FKBP7: variants seen among roughly 807,000 people sequenced by gnomAD.
FKBP7 encodes peptidyl-prolyl cis-trans isomerase FKBP7.
Under a neutral mutation model 24.3 loss-of-function variants are expected in FKBP7, and 24 were observed. The observed-to-expected ratio is 0.99, with a 90% CI of 0.72 to 1.39. The LOEUF (loss-of-function observed/expected upper bound fraction) is 1.39, where lower values mean the gene tolerates loss of function less well. FKBP7 is among the 40% of genes most tolerant of loss of function. The pLI, the probability that FKBP7 is intolerant of heterozygous loss-of-function variation, is 0.00. For missense variants in FKBP7, 257 were observed against 269.5 expected, an observed-to-expected ratio of 0.95 and a Z score of 0.33; for synonymous variants, 98 against 92.8, an observed-to-expected ratio of 1.06 and a Z score of -0.32.
In FKBP7 at chr2:178,477,216, A is replaced by G. The variant is rs771966423; in HGVS notation, c.222-3T>C. On this transcript the variant is annotated splice_region_variant and splice_polypyrimidine_tract_variant and intron_variant, in intron 1 of 3. Coordinates refer to ENST00000424785, the MANE Select transcript of FKBP7 (RefSeq NM_181342.3). ...GGTGGCCTTCATTTTGTGTCCGGCTATAACAAAAAGCAATACTTAAGTAAA... is the reference window on the plus strand; with the variant it reads ...GGTGGCCTTCATTTTGTGTCCGGCTGTAACAAAAAGCAATACTTAAGTAAA... The G allele has an allele frequency of 1.9e-5, 30 of 1,607,798 alleles. No individual in the cohort carries two copies. The South Asian group carries it at 3.2e-4, about 17-fold the overall frequency.
chr2:178,465,441 T>G lies in FKBP7; in HGVS notation c.*329A>C, dbSNP rs1684625686. On this transcript the variant is annotated 3_prime_UTR_variant, in exon 4 of 4. Transcript: ENST00000424785. ...TATTAACATGCTGGTAAGGTTAAAGTTGGGAAAAGCTTGCAGTTTTTGACA... is the reference window on the plus strand; with the variant it reads ...TATTAACATGCTGGTAAGGTTAAAGGTGGGAAAAGCTTGCAGTTTTTGACA... 5.7e-6 allele frequency: 1 copy of G among 175,704 alleles called. No individual in the cohort carries two copies. Among genetic ancestry groups the G allele is most frequent in the South Asian group, 2.0e-4 (1 of 5,052 alleles). The allele number at this position is 175,704 out of a possible 1,614,324, so 10.9% of individuals were successfully genotyped here. A position where few individuals can be genotyped will look rare whatever the true frequency, so the allele number is the denominator to read the frequency against.
chr2:178,465,137 T>C lies in FKBP7; in HGVS notation c.*633A>G, dbSNP rs1289206688. On this transcript the variant is annotated 3_prime_UTR_variant, in exon 4 of 4. Transcript: ENST00000424785. ...GCTATAAGAGGCAAAAAGTCTTTGG[T>C]TTGGTCAAATATTTTTAAACATTCC... 6.6e-6 allele frequency: 1 copy of C among 152,128 alleles called. No individual in the cohort carries two copies. The allele number at this position is 152,128 out of a possible 1,614,324, so 9.4% of individuals were successfully genotyped here.
intron 2 of FKBP7, 136 bp from the exon 3 acceptor site, chr2:178,469,921 T>G: frequency 1.5e-6 from 1 of 655,338 alleles, no homozygotes; most frequent in African/African-American, 1.9e-5. Context: ...TTTTAATTTT[T>G]TCTCATCTTT....
At chr2:178,472,514 AC>A (rs1684875455) in intron 2 of FKBP7, among the ~76,000 whole-genome samples, 1 of 150,150 alleles carries the variant, frequency 6.7e-6, no homozygotes, top group South Asian at 2.1e-4. Context: ...TTCCTCTGTC[AC>A]CCAGGCTAGA....
At chr2:178,469,597 T>C in intron 3 of FKBP7, 55 bp downstream of exon 3, 1 of 1,572,798 alleles carries the variant, frequency 6.4e-7, no homozygotes, top group Non-Finnish European at 8.7e-7. Context: ...AACACAGATG[T>C]ATTTAAACTG....
At position 178,469,640 on chromosome 2, in the gene FKBP7, G is replaced by A; in HGVS notation, c.507+12C>T. On this transcript the variant is annotated intron_variant, in intron 3 of 3. Coordinates refer to ENST00000424785, the MANE Select transcript of FKBP7 (RefSeq NM_181342.3). ...AAAATTAGACTATACACATGAAATTGGTTTGAATTACCTCGGCTTTAGAGA... is the reference window on the plus strand; with the variant it reads ...AAAATTAGACTATACACATGAAATTAGTTTGAATTACCTCGGCTTTAGAGA... The A allele has an allele frequency of 6.2e-7, 1 of 1,613,026 alleles. No individual in the cohort carries two copies. The highest frequency in any genetic ancestry group is 8.5e-7 in the Non-Finnish European group (1 of 1,179,614).
chr2:178,478,522 T>TC lies in FKBP7; in HGVS notation c.-24dup. 1 of 1,612,044 alleles carries TC rather than the reference T, an allele frequency of 6.2e-7. No homozygotes were observed. Among genetic ancestry groups the TC allele is most frequent in the Non-Finnish European group, 8.5e-7 (1 of 1,179,260 alleles). ...CATCGGCTCCAGCAGAACACTGCTC[T>TC]CCCTCCCGCGTGTCACTCGCGCCCC... On this transcript the variant is annotated 5_prime_UTR_variant, in exon 1 of 4. Coordinates refer to ENST00000424785, the MANE Select transcript of FKBP7 (RefSeq NM_181342.3).
intron 2 of FKBP7, chr2:178,473,285 C>G: frequency 2.6e-6 from 1 of 390,112 alleles, no homozygotes; most frequent in Non-Finnish European, 5.2e-6. Flanking sequence ...TATTGGATTA[C>G]AATGCCTAAT....
At chr2:178,470,819 A>T (rs1186620234) in intron 2 of FKBP7, among the ~76,000 whole-genome samples, 2 of 152,148 alleles carry the variant, frequency 1.3e-5, no homozygotes, top group Non-Finnish European at 2.9e-5. Context: ...AAAATTCAGT[A>T]ACAATTTTAC....
chr2:178,470,694 A>T (rs1684823439), intron 2 of FKBP7, among the ~76,000 whole-genome samples: 1 of 152,034 alleles, frequency 6.6e-6, no homozygotes, highest in African/African-American at 2.4e-5. Flanking sequence ...CACACGTGTA[A>T]TTCTAGCACT....
chr2:178,468,165 T>A (rs970850413), intron 3 of FKBP7, among the ~76,000 whole-genome samples: 1 of 152,238 alleles, frequency 6.6e-6, no homozygotes, highest in Non-Finnish European at 1.5e-5. Flanking sequence ...TAGCTTTTAC[T>A]ACTTACTTAT....
At chr2:178,474,528 T>C (rs986894196) in intron 2 of FKBP7, among the ~76,000 whole-genome samples, 1 of 152,194 alleles carries the variant, frequency 6.6e-6, no homozygotes, top group African/African-American at 2.4e-5. Context: ...CTTCCAGATG[T>C]ATTCTGTGTA....
chr2:178,464,410 G>C lies in FKBP7; in HGVS notation c.*1360C>G, dbSNP rs1684599145. On this transcript the variant is annotated 3_prime_UTR_variant, in exon 4 of 4. Transcript: ENST00000424785. ...TTAAATTGACTCATGGTTCCCCATGGCTGGGGAGGCCTCAGGAAGCTTACA... is the reference window on the plus strand; with the variant it reads ...TTAAATTGACTCATGGTTCCCCATGCCTGGGGAGGCCTCAGGAAGCTTACA... 6.6e-6 allele frequency: 1 copy of C among 152,230 alleles called. No homozygotes were observed. Among genetic ancestry groups the C allele is most frequent in the Non-Finnish European group, 1.5e-5 (1 of 68,056 alleles). 9.4% of individuals were successfully genotyped at this position (152,230 alleles called of 1,614,324 possible).
intron 2 of FKBP7, among the ~76,000 whole-genome samples, chr2:178,473,957 T>G (rs1451494238): frequency 6.6e-6 from 1 of 152,092 alleles, no homozygotes; most frequent in Non-Finnish European, 1.5e-5. Context: ...AAAGCTGAAG[T>G]TATCTGGAAA....
chr2:178,472,968 T>G (rs1157246333), intron 2 of FKBP7: 1 of 607,832 alleles, frequency 1.6e-6, no homozygotes, highest in Non-Finnish European at 2.7e-6. Context: ...GCTACGGAAT[T>G]ACTTATATTT....
In FKBP7 at chr2:178,465,892, T is replaced by C; in HGVS notation, c.547A>G (p.Lys183Glu). The change falls in exon 4 of 4, where the codon AAG (lysine) becomes GAG (glutamate). Residue 183 changes from lysine to glutamate, a missense_variant. Coordinates refer to ENST00000424785, the MANE Select transcript of FKBP7 (RefSeq NM_181342.3). The part of the protein sequence containing the change: ...YLQREFEKDE[K>E]PRDKSYQDAV... ...TCCTGATATGACTTGTCACGTGGCT[T>C]CTCATCTTTTTCAAATTCCCTTTGC... The C allele has an allele frequency of 6.2e-7, 1 of 1,604,972 alleles. No individual in the cohort carries two copies. Among genetic ancestry groups the C allele is most frequent in the Non-Finnish European group, 8.5e-7 (1 of 1,177,202 alleles).
chr2:178,465,563 A>C lies in FKBP7; in HGVS notation c.*207T>G. ...TGCTACAATTCTTGTTTACAGAATA[A>C]AGCAGTAGGAAACACAGTCATACCA... is the stretch of plus-strand genomic sequence containing the variant. On this transcript the variant is annotated 3_prime_UTR_variant, in exon 4 of 4. Coordinates refer to ENST00000424785, the MANE Select transcript of FKBP7 (RefSeq NM_181342.3). 1 of 393,448 alleles carries C rather than the reference A, an allele frequency of 2.5e-6. No individual in the cohort carries two copies. Among genetic ancestry groups the C allele is most frequent in the Non-Finnish European group, 4.4e-6 (1 of 225,786 alleles). The allele number at this position is 393,448 out of a possible 1,614,324, so 24.4% of individuals were successfully genotyped here.
chr2:178,473,694 C>T (rs757766616), intron 2 of FKBP7, among the ~76,000 whole-genome samples: 5 of 152,096 alleles, frequency 3.3e-5, no homozygotes, highest in South Asian at 2.1e-4. Flanking sequence ...GAAGACACAA[C>T]GCAAGACAGA....
At chr2:178,472,315 G>T (rs6726043) in intron 2 of FKBP7, among the ~76,000 whole-genome samples, 44,701 of 151,520 alleles carry the variant, frequency 0.3, 8,360 homozygotes, top group East Asian at 0.66. Flanking sequence ...CCTCAGGTGA[G>T]CCACCCACCT....
Sources: gnomAD v4.1 joint callset for allele counts (sites outside exome capture counted in the v4.1 genomes callset) on GRCh38, gnomAD v4.1.1 for gene constraint, MANE v1.5 for transcripts, NCBI Gene and HGNC (gene_info 2026-07-23, HGNC 2026-07-21) for gene names.